The following LRRC7 variants were observed in gnomAD, a reference collection of about 807,000 sequenced individuals.
The protein encoded by LRRC7 is leucine rich repeat containing 7, also known as leucine-rich repeat-containing protein 7.
A neutral mutation model predicts 175.7 loss-of-function variants in LRRC7; 23 were observed. That is an observed-to-expected ratio of 0.13 (90% CI 0.09 to 0.19). The LOEUF (loss-of-function observed/expected upper bound fraction) is 0.19, where lower values mean the gene tolerates loss of function less well. LRRC7 is among the 10% of genes least tolerant of loss of function. The pLI is 1.00. For synonymous variants in LRRC7, 685 were observed against 680.9 expected (o/e 1.01, Z -0.09); for missense variants, 1,354 against 1,904.7 (o/e 0.71, Z 5.38).
intron 7 of LRRC7, among the ~76,000 whole-genome samples, chr1:69,897,354 G>A (rs561389003): frequency 1.4e-3 from 210 of 151,878 alleles, no homozygotes; most frequent in South Asian, 6.9e-3. Flanking sequence ...GGCTTTCTTT[G>A]GGCACTTTAC....
intron 4 of LRRC7, among the ~76,000 whole-genome samples, chr1:69,817,766 T>C (rs1352297664): frequency 6.6e-6 from 1 of 152,132 alleles, no homozygotes; most frequent in Non-Finnish European, 1.5e-5. Context: ...CGTGAATACA[T>C]GATATCTTCT....
At chr1:69,761,715 G>A (rs1339606190) in intron 3 of LRRC7, among the ~76,000 whole-genome samples, 3 of 151,928 alleles carry the variant, frequency 2.0e-5, no homozygotes, top group Non-Finnish European at 4.4e-5. Flanking sequence ...TGTACCAGAT[G>A]AGGAACTACT....
intron 7 of LRRC7, among the ~76,000 whole-genome samples, chr1:69,864,858 C>G (rs561933060): frequency 6.6e-6 from 1 of 152,206 alleles, no homozygotes; most frequent in East Asian, 1.9e-4. Flanking sequence ...AAGTATAATG[C>G]TGGCTGGGTC....
At chr1:69,956,552 T>C (rs577846755) in intron 8 of LRRC7, among the ~76,000 whole-genome samples, 22 of 151,944 alleles carry the variant, frequency 1.4e-4, no homozygotes, top group African/African-American at 4.8e-4. Context: ...AAGAATGTTA[T>C]AAATTAATTG....
chr1:69,953,217 C>G (rs1487407282), intron 8 of LRRC7, among the ~76,000 whole-genome samples: 3 of 151,950 alleles, frequency 2.0e-5, no homozygotes, highest in Non-Finnish European at 2.9e-5. Flanking sequence ...CAGCATGCTT[C>G]CTACCTCTGT....
intron 11 of LRRC7, among the ~76,000 whole-genome samples, chr1:69,998,254 A>C (rs12032252): frequency 0.047 from 7,092 of 152,144 alleles, 174 homozygotes; most frequent in South Asian, 0.1. Context: ...GACAGCGAAA[A>C]TGTCTGTTAC....
At chr1:69,995,120 A>G (rs542849046) in intron 11 of LRRC7, among the ~76,000 whole-genome samples, 1 of 152,290 alleles carries the variant, frequency 6.6e-6, no homozygotes, top group East Asian at 1.9e-4. Context: ...TTTAGCTAGC[A>G]TTTTTTAAAA....
chr1:70,062,431 A>AT (rs796418937), intron 23 of LRRC7, among the ~76,000 whole-genome samples: 4 of 152,172 alleles, frequency 2.6e-5, no homozygotes, highest in South Asian at 2.1e-4. Context: ...TTATCATATT[A>AT]TTTTTTTCCA....
chr1:69,873,452 T>C (rs762381512), intron 7 of LRRC7: 1 of 533,030 alleles, frequency 1.9e-6, no homozygotes, highest in Admixed American at 1.9e-5. Context: ...TTGAAATTGA[T>C]TTTTTTCATC....
chr1:69,959,281 G>A lies in LRRC7; in HGVS notation c.712-21098G>A, dbSNP rs74084588. On this transcript the variant is annotated intron_variant, in intron 8 of 26. Coordinates refer to ENST00000651989, the MANE Select transcript of LRRC7 (RefSeq NM_001370785.2). ...CAAAAGAAACAGTTTGCTAAGTGAT[G>A]TTTGCAAGAAATTGTTCATAACGAT... Among the ~76,000 whole-genome samples the A allele has an allele frequency of 5.6e-3, 854 of 152,184 alleles. 5 individuals carry two copies. Among genetic ancestry groups the A allele is most frequent in the African/African-American group, 0.019 (796 of 41,544 alleles).
chr1:69,851,815 A>T (rs182289512), intron 7 of LRRC7, among the ~76,000 whole-genome samples: 1 of 152,302 alleles, frequency 6.6e-6, no homozygotes, highest in East Asian at 1.9e-4. Flanking sequence ...CAGAAAAGTT[A>T]GGCAATCTTC....
At chr1:69,899,567 C>T (rs1646075982) in intron 7 of LRRC7, among the ~76,000 whole-genome samples, 1 of 152,202 alleles carries the variant, frequency 6.6e-6, no homozygotes, top group Non-Finnish European at 1.5e-5. Flanking sequence ...ACTGTAACTA[C>T]TCAGTTCTGC....
intron 13 of LRRC7, among the ~76,000 whole-genome samples, chr1:70,013,453 C>T (rs1333237670): frequency 6.6e-6 from 1 of 151,742 alleles, no homozygotes; most frequent in Non-Finnish European, 1.5e-5. Context: ...TGTATGTATG[C>T]ACACATTTGT....
chr1:70,036,190 C>T lies in LRRC7; in HGVS notation c.2065C>T (p.Leu689=), dbSNP rs150040000. Residue 689 remains leucine, a synonymous_variant, in exon 19 of 27, where the codon CTG becomes TTG. Coordinates refer to ENST00000651989, the MANE Select transcript of LRRC7 (RefSeq NM_001370785.2). ...ELHPSLAETP[L]YPPKLVLLGK... ...TCACCCTTCATTAGCTGAGACCCCT[C>T]TGTACCCACCCAAACTTGTTCTGCT... is the stretch of plus-strand genomic sequence containing the variant. 4.0e-4 allele frequency: 645 copies of T among 1,613,530 alleles called. No individual in the cohort carries two copies. Among genetic ancestry groups the T allele is most frequent in the Non-Finnish European group, 4.6e-4 (547 of 1,179,722 alleles).
At chr1:69,918,231 A>C (rs1356597559) in intron 7 of LRRC7, among the ~76,000 whole-genome samples, 1 of 152,168 alleles carries the variant, frequency 6.6e-6, no homozygotes, top group Non-Finnish European at 1.5e-5. Context: ...CAAAGAATTA[A>C]CCAGTCCAAA....
chr1:69,841,872 T>C (rs1681773950), intron 7 of LRRC7, among the ~76,000 whole-genome samples: 1 of 152,102 alleles, frequency 6.6e-6, no homozygotes, highest in African/African-American at 2.4e-5. Context: ...GAAAATTATA[T>C]GGGAAGCCAA....
intron 1 of LRRC7, among the ~76,000 whole-genome samples, chr1:69,626,713 C>T (rs1421424355): frequency 8.8e-6 from 1 of 113,564 alleles, no homozygotes; most frequent in East Asian, 3.2e-4. Flanking sequence ...ATCCCTCCCC[C>T]CTCCCCTCTC....
chr1:69,691,298 A>G (rs943237986), intron 2 of LRRC7, among the ~76,000 whole-genome samples: 1 of 152,094 alleles, frequency 6.6e-6, no homozygotes, highest in African/African-American at 2.4e-5. Flanking sequence ...CTGAAATATT[A>G]CAAAAAGATT....
rs1468581916 is a variant in LRRC7, at chr1:70,131,461, G to A, written c.*9574G>A. ...CTATTTCCCATGTCTTTCTATTTGG[G>A]TTTCATAGCTAAGTAACTCCAGAAT... On this transcript the variant is annotated 3_prime_UTR_variant, in exon 27 of 27. Coordinates refer to ENST00000651989, the MANE Select transcript of LRRC7 (RefSeq NM_001370785.2). Among the ~76,000 whole-genome samples the A allele has an allele frequency of 1.3e-5, 2 of 152,050 alleles. No homozygotes were observed. The highest frequency in any genetic ancestry group is 2.9e-5 in the Non-Finnish European group (2 of 68,010).
Sources: gnomAD v4.1 joint callset for allele counts (sites outside exome capture counted in the v4.1 genomes callset) on GRCh38, gnomAD v4.1.1 for gene constraint, MANE v1.5 for transcripts, NCBI Gene and HGNC (gene_info 2026-07-23, HGNC 2026-07-21) for gene names.